Variants in KBTBD11 observed in about 807,000 individuals in gnomAD.
The protein encoded by KBTBD11 is kelch repeat and BTB domain-containing protein 11.
For missense variants in KBTBD11, 1,390 were observed against 1,001.8 expected, an observed-to-expected ratio of 1.39 and a Z score of -5.23; for synonymous variants, 747 against 499.0, an observed-to-expected ratio of 1.50 and a Z score of -6.63.
chr8:1,992,118 T>C (rs1816941606), intron 1 of KBTBD11, among the ~76,000 whole-genome samples: 1 of 152,104 alleles, frequency 6.6e-6, no homozygotes, highest in Non-Finnish European at 1.5e-5. Context: ...TCCTGGACTC[T>C]GGCCCCACCT....
chr8:1,979,399 G>T (rs1376643255), intron 1 of KBTBD11, among the ~76,000 whole-genome samples: 1 of 152,200 alleles, frequency 6.6e-6, no homozygotes, highest in Non-Finnish European at 1.5e-5. Context: ...GGAGGCCGAG[G>T]TAGGCAGATC....
intron 1 of KBTBD11, among the ~76,000 whole-genome samples, chr8:1,977,912 G>C (rs1336845914): frequency 6.6e-6 from 1 of 152,172 alleles, no homozygotes; most frequent in Non-Finnish European, 1.5e-5. Flanking sequence ...GCAGTTCACA[G>C]TTCTGAATAT....
Position 2,001,236 on chromosome 8 carries a change from AG to A in KBTBD11, c.45del (p.Glu15AspfsTer165). 1 of 1,478,934 alleles carries A rather than the reference AG, an allele frequency of 6.8e-7. No individual in the cohort carries two copies. Among genetic ancestry groups the A allele is most frequent in the Non-Finnish European group, 8.9e-7 (1 of 1,117,880 alleles). 91.6% of individuals were successfully genotyped at this position (1,478,934 alleles called of 1,614,324 possible). ...VAPCVLYPGT[E>X]PGAAGESESE... The stretch of plus-strand genomic sequence containing the variant: ...CCCTGCGTCCTCTACCCAGGGACTG[AG>A]CCCGGGGCTGCCGGGGAGAGCGAGA... On this transcript the variant is annotated frameshift_variant, in exon 2 of 2. Transcript: ENST00000320248. LOFTEE classifies it low-confidence loss of function (END_TRUNC).
rs1212403290 is a variant in KBTBD11 at position 2,005,160 on chromosome 8, C to T, written c.*2096C>T. 1.8e-5 allele frequency: 3 copies of T among 167,034 alleles called. No individual in the cohort carries two copies. The highest frequency in any genetic ancestry group is 7.2e-5 in the African/African-American group (3 of 41,440). The allele number at this position is 167,034 out of a possible 1,614,324, so 10.3% of individuals were successfully genotyped here. A position where few individuals can be genotyped will look rare whatever the true frequency, so the allele number is the denominator to read the frequency against. ...CGGTTCCCATGGCTTTCCAGCGTTT[C>T]ATTTAGTGAAGGAATGCTCACACTA... On this transcript the variant is annotated 3_prime_UTR_variant, in exon 2 of 2. Transcript: ENST00000320248.
intron 1 of KBTBD11, among the ~76,000 whole-genome samples, chr8:1,982,696 A>C (rs535654837): frequency 6.6e-6 from 1 of 152,288 alleles, no homozygotes; most frequent in East Asian, 1.9e-4. Context: ...TTATAATGCC[A>C]AAGGGGCCAA....
At chr8:1,982,482 AT>A (rs1816570660) in intron 1 of KBTBD11, among the ~76,000 whole-genome samples, 1 of 145,596 alleles carries the variant, frequency 6.9e-6, no homozygotes, top group Admixed American at 7.2e-5. Context: ...AAAAAAACAT[AT>A]AAGACCCCAC....
At chr8:1,975,487 C>T (rs1473381019) in intron 1 of KBTBD11, among the ~76,000 whole-genome samples, 1 of 152,222 alleles carries the variant, frequency 6.6e-6, no homozygotes, top group Non-Finnish European at 1.5e-5. Flanking sequence ...CGGTATTGTG[C>T]ACGCTGCACA....
Position 2,002,122 on chromosome 8 carries a change from C to T in KBTBD11, c.930C>T (p.Ser310=), listed in dbSNP as rs898573742. Residue 310 remains serine, a synonymous_variant, in exon 2 of 2, where the codon AGC becomes AGT. Transcript: ENST00000320248. The surrounding 1 kb of genome is among the most constrained non-coding windows in gnomAD (Gnocchi z 4.1). ...GGCCGGCGGGGGAGCGCGCGGGCAG[C>T]CGGCCTCAGAGCCCCTCGGGGGACG... The part of the protein sequence containing the change: ...ALGPAGERAG[S]RPQSPSGDAD... 50 of 1,115,556 alleles carry T rather than the reference C, an allele frequency of 4.5e-5. No homozygotes were observed. In the African/African-American group the frequency reaches 8.0e-4, roughly 18 times the overall value. The allele number at this position is 1,115,556 out of a possible 1,614,324, so 69.1% of individuals were successfully genotyped here. A position where few individuals can be genotyped will look rare whatever the true frequency, so the allele number is the denominator to read the frequency against.
intron 1 of KBTBD11, among the ~76,000 whole-genome samples, chr8:1,997,670 CA>C (rs1817193595): frequency 6.6e-6 from 1 of 152,246 alleles, no homozygotes; most frequent in African/African-American, 2.4e-5. Flanking sequence ...ATCTTGGTGT[CA>C]GAAACAACAT....
intron 1 of KBTBD11, among the ~76,000 whole-genome samples, chr8:1,987,037 C>T (rs529412670): frequency 1.1e-4 from 16 of 144,188 alleles, no homozygotes; most frequent in Non-Finnish European, 2.1e-4. Context: ...AAAAAAACCA[C>T]GCACACACAC....
intron 1 of KBTBD11, among the ~76,000 whole-genome samples, chr8:1,989,541 C>G (rs1452099817): frequency 6.6e-6 from 1 of 152,168 alleles, no homozygotes; most frequent in Non-Finnish European, 1.5e-5. Flanking sequence ...ATGATGGAGT[C>G]ACTAAGCTCC....
intron 1 of KBTBD11, among the ~76,000 whole-genome samples, chr8:1,983,111 C>T (rs1585726999): frequency 6.6e-6 from 1 of 152,180 alleles, no homozygotes; most frequent in African/African-American, 2.4e-5. Context: ...TGCCCCGAGG[C>T]AGCAGTGACC....
intron 1 of KBTBD11, among the ~76,000 whole-genome samples, chr8:1,986,108 A>C (rs528625955): frequency 6.6e-6 from 1 of 152,326 alleles, no homozygotes; most frequent in South Asian, 2.1e-4. Flanking sequence ...TCATGTCATC[A>C]ACCTTCCTTC....
At chr8:1,982,407 T>C (rs10097521) in intron 1 of KBTBD11, among the ~76,000 whole-genome samples, 86,333 of 151,980 alleles carry the variant, frequency 0.57, 25,909 homozygotes, top group East Asian at 0.83. Flanking sequence ...TTACCTATCA[T>C]AATTACCTTG....
At position 2,003,088 on chromosome 8, in the gene KBTBD11, C is replaced by T. The variant is rs768299985; in HGVS notation, c.*24C>T. ...AGGCCGGCGGGGTCGGCGGGCGTCTCCCTCGGCAGGGGTTTGCGGGGCCCA... is the reference window on the plus strand; with the variant it reads ...AGGCCGGCGGGGTCGGCGGGCGTCTTCCTCGGCAGGGGTTTGCGGGGCCCA... On this transcript the variant is annotated 3_prime_UTR_variant, in exon 2 of 2. Coordinates refer to ENST00000320248, the MANE Select transcript of KBTBD11 (RefSeq NM_014867.3). The T allele has an allele frequency of 8.5e-5, 107 of 1,259,590 alleles. No individual in the cohort carries two copies. The African/African-American group carries it at 1.6e-3, about 19-fold the overall frequency. 78.0% of individuals were successfully genotyped at this position (1,259,590 alleles called of 1,614,324 possible).
Position 2,001,273 on chromosome 8 carries a change from C to T in KBTBD11, c.81C>T (p.Ala27=), listed in dbSNP as rs1426710422. The T allele has an allele frequency of 7.2e-6, 11 of 1,517,436 alleles. No homozygotes were observed. The highest frequency in any genetic ancestry group is 5.3e-5 in the East Asian group (2 of 37,996). 94.0% of individuals were successfully genotyped at this position (1,517,436 alleles called of 1,614,324 possible). ...GAAGESESEG[A]ASPAQTPCSL... ...CCGGGGAGAGCGAGAGCGAGGGCGC[C>T]GCGTCCCCGGCGCAGACACCCTGCA... The change falls in exon 2 of 2, where the codon GCC becomes GCT. Residue 27 remains alanine, a synonymous_variant. Coordinates refer to ENST00000320248, the MANE Select transcript of KBTBD11 (RefSeq NM_014867.3).
At chr8:1,976,854 T>C (rs1288906194) in intron 1 of KBTBD11, among the ~76,000 whole-genome samples, 2 of 152,112 alleles carry the variant, frequency 1.3e-5, no homozygotes, top group Non-Finnish European at 2.9e-5. Flanking sequence ...GAACATTGTG[T>C]GCAAAGGCCC....
chr8:1,988,125 C>G (rs1350320474), intron 1 of KBTBD11, among the ~76,000 whole-genome samples: 1 of 152,164 alleles, frequency 6.6e-6, no homozygotes, highest in Non-Finnish European at 1.5e-5. Context: ...TTTATCCAGT[C>G]TATCATTGTT....
intron 1 of KBTBD11, among the ~76,000 whole-genome samples, chr8:1,981,264 C>T (rs1217087607): frequency 6.6e-6 from 1 of 152,164 alleles, no homozygotes; most frequent in East Asian, 1.9e-4. Flanking sequence ...TCACCACCAC[C>T]AGACCTGTCT....
Sources: gnomAD v4.1 joint callset for allele counts (sites outside exome capture counted in the v4.1 genomes callset) on GRCh38, gnomAD v4.1.1 for gene constraint, Gnocchi (gnomAD v3.1) non-coding constraint, MANE v1.5 for transcripts, NCBI Gene and HGNC (gene_info 2026-07-23, HGNC 2026-07-21) for gene names.